The following KIAA1671 variants were observed in gnomAD, a reference collection of about 807,000 sequenced individuals.
KIAA1671 encodes uncharacterized protein KIAA1671.
In KIAA1671, 52 loss-of-function variants were observed where a neutral mutation model predicts 131.2. That is an observed-to-expected ratio of 0.40 (90% CI 0.32 to 0.50). KIAA1671 has a LOEUF of 0.50. KIAA1671 is among the 20% of genes least tolerant of loss of function. The pLI is 0.73. For synonymous variants in KIAA1671, 1,003 were observed against 961.6 expected, an observed-to-expected ratio of 1.04 and a Z score of -0.80; for missense variants, 2,360 against 2,364.2, an observed-to-expected ratio of 1.00 and a Z score of 0.04.
chr22:25,191,915 C>G (rs1934682105), intron 12 of KIAA1671, among the ~76,000 whole-genome samples: 3 of 152,112 alleles, frequency 2.0e-5, no homozygotes, highest in Admixed American at 2.0e-4. Context: ...TCATAATACA[C>G]TGCAGGAATA....
At chr22:25,174,615 T>C in intron 8 of KIAA1671, 126 bp downstream of exon 8, 2 of 1,095,716 alleles carry the variant, frequency 1.8e-6, no homozygotes, top group Non-Finnish European at 2.5e-6. Flanking sequence ...GCACTGTCTT[T>C]GAAATGGGAC....
chr22:24,996,282 C>T (rs1215859603), intron 1 of KIAA1671, among the ~76,000 whole-genome samples: 1 of 151,942 alleles, frequency 6.6e-6, no homozygotes, highest in African/African-American at 2.4e-5. Context: ...AAAAGCACAG[C>T]TTAGGTCCTT....
chr22:24,996,384 C>T (rs750515935), intron 1 of KIAA1671, among the ~76,000 whole-genome samples: 1 of 152,162 alleles, frequency 6.6e-6, no homozygotes, highest in Non-Finnish European at 1.5e-5. Flanking sequence ...TTATGGATTA[C>T]ACGTTTCCTT....
At chr22:25,020,654 ACCTGAACAAGCC>A (rs1925615555) in intron 1 of KIAA1671, among the ~76,000 whole-genome samples, 1 of 152,130 alleles carries the variant, frequency 6.6e-6, no homozygotes, top group Non-Finnish European at 1.5e-5. Context: ...ACAGAGGAGC[ACCTGAACAAGCC>A]CCACTCATGG....
intron 11 of KIAA1671, among the ~76,000 whole-genome samples, chr22:25,188,017 C>T (rs968768180): frequency 2.0e-5 from 3 of 152,172 alleles, no homozygotes; most frequent in Non-Finnish European, 2.9e-5. Flanking sequence ...AACGTTTGAA[C>T]AGGCTGGGCA....
chr22:25,033,573 CGTTTT>C, intron 4 of KIAA1671, among the ~76,000 whole-genome samples: 1 of 71,702 alleles, frequency 1.4e-5, no homozygotes, highest in East Asian at 4.2e-4. Context: ...GGTTTGTTTT[CGTTTT>C]TTTTTTTTTT....
chr22:25,191,949 T>C (rs753570137), intron 12 of KIAA1671, among the ~76,000 whole-genome samples: 1 of 152,166 alleles, frequency 6.6e-6, no homozygotes, highest in African/African-American at 2.4e-5. Flanking sequence ...TATGGTGGTG[T>C]TACATATGTA....
At chr22:25,022,092 A>T (rs1392989098) in intron 1 of KIAA1671, among the ~76,000 whole-genome samples, 1 of 152,134 alleles carries the variant, frequency 6.6e-6, no homozygotes, top group East Asian at 1.9e-4. Context: ...GGCTCTTTGC[A>T]TGGCTCACTG....
rs1002394386 is a variant in KIAA1671 at position 25,040,223 on chromosome 22, C to T, written c.3093C>T (p.Thr1031=). 6.4e-7 allele frequency: 1 copy of T among 1,551,706 alleles called. No homozygotes were observed. The highest frequency in any genetic ancestry group is 8.7e-7 in the Non-Finnish European group (1 of 1,147,010). The change falls in exon 5 of 13, where the codon ACC becomes ACT. Residue 1031 remains threonine (T), a synonymous_variant. Transcript: ENST00000358431. ...VEPKATFFAV[T]YQIPNTQKAK... ...CCAAGGCGACATTTTTTGCAGTCAC[C>T]TATCAGATTCCCAATACTCAAAAGG...
intron 6 of KIAA1671, among the ~76,000 whole-genome samples, chr22:25,152,902 G>A (rs1278328589): frequency 6.6e-6 from 1 of 151,992 alleles, no homozygotes; most frequent in Non-Finnish European, 1.5e-5. Flanking sequence ...ACCATGCCTC[G>A]CCTAATTTTT....
At chr22:25,186,357 G>T (rs1189110872) in intron 11 of KIAA1671, 5 of 152,232 alleles carry the variant, frequency 3.3e-5, no homozygotes, top group Non-Finnish European at 7.3e-5. Context: ...GAGGCCAGGG[G>T]TTGGAGTGCA....
At position 25,039,154 on chromosome 22, in the gene KIAA1671, G is replaced by T; in HGVS notation, c.2024G>T (p.Gly675Val). The change falls in exon 5 of 13, where the codon GGG (glycine) becomes GTG (valine). Residue 675 changes from glycine (G) to valine (V), a missense_variant. Coordinates refer to ENST00000358431, the MANE Select transcript of KIAA1671 (RefSeq NM_001145206.2). ...MTKLKKENSR[G>V]FDNPETEKLG... ...AAACTGAAGAAAGAGAACTCCAGAG[G>T]GTTTGACAATCCCGAGACGGAGAAA... is the stretch of plus-strand genomic sequence containing the variant. The T allele has an allele frequency of 1.3e-6, 2 of 1,551,678 alleles. No individual in the cohort carries two copies. Among genetic ancestry groups the T allele is most frequent in the South Asian group, 2.4e-5 (2 of 84,060 alleles).
chr22:24,975,926 G>T (rs546756027), intron 1 of KIAA1671, among the ~76,000 whole-genome samples: 1 of 152,182 alleles, frequency 6.6e-6, no homozygotes, highest in African/African-American at 2.4e-5. Flanking sequence ...TTGTCCAGCA[G>T]CAGAGATGGG....
At chr22:25,181,325 C>T (rs1934266395) in intron 9 of KIAA1671, among the ~76,000 whole-genome samples, 1 of 152,190 alleles carries the variant, frequency 6.6e-6, no homozygotes, top group Admixed American at 6.5e-5. Flanking sequence ...CCACATTCTC[C>T]TCTGAGAGCA....
intron 6 of KIAA1671, among the ~76,000 whole-genome samples, chr22:25,068,582 G>C (rs8136437): frequency 6.6e-6 from 1 of 151,962 alleles, no homozygotes; most frequent in African/African-American, 2.4e-5. Flanking sequence ...GACTACAGGC[G>C]CCCGCCTCCG....
Position 24,959,784 on chromosome 22 carries a change from A to C in KIAA1671, c.-208+7012A>C, listed in dbSNP as rs199708336. The stretch of plus-strand genomic sequence containing the variant: ...TCTGGGCAGAAGCTATCACAGCTAC[A>C]TTTGTTAATTGCTCAGTTAAGTGAC... On this transcript the variant is annotated intron_variant, in intron 1 of 12. Transcript: ENST00000358431. 1.2e-4 allele frequency among the ~76,000 whole-genome samples: 18 copies of C among 152,256 alleles called. No individual in the cohort carries two copies. In the East Asian group the frequency reaches 2.9e-3, roughly 24 times the overall value.
At chr22:25,119,880 T>G (rs1931851182) in intron 6 of KIAA1671, among the ~76,000 whole-genome samples, 1 of 151,938 alleles carries the variant, frequency 6.6e-6, no homozygotes, top group Admixed American at 6.6e-5. Context: ...AGAGGTGAGC[T>G]CAGAGAGGTG....
At chr22:25,134,265 G>A (rs1932575233) in intron 6 of KIAA1671, among the ~76,000 whole-genome samples, 1 of 152,130 alleles carries the variant, frequency 6.6e-6, no homozygotes, top group Non-Finnish European at 1.5e-5. Flanking sequence ...CAGAGGGCTT[G>A]GCAGCTGGAT....
chr22:25,148,234 T>C lies in KIAA1671; in HGVS notation c.4531-22586T>C, dbSNP rs549244078. On this transcript the variant is annotated intron_variant, in intron 6 of 12. Transcript: ENST00000358431. ...CTCAGTCCCAGCCCTTTCTCAGTCCTGGCACCCCCCTCAGTCCCAGCCCTC... is the reference window on the plus strand; with the variant it reads ...CTCAGTCCCAGCCCTTTCTCAGTCCCGGCACCCCCCTCAGTCCCAGCCCTC... 1.2e-3 allele frequency among the ~76,000 whole-genome samples: 174 copies of C among 143,180 alleles called. 2 individuals carry two copies. Among genetic ancestry groups the C allele is most frequent in the Middle Eastern group, 7.0e-3 (2 of 284 alleles). The allele number at this position is 143,180 out of a possible 152,430, so 93.9% of individuals were successfully genotyped here. A position where few individuals can be genotyped will look rare whatever the true frequency, so the allele number is the denominator to read the frequency against.
Sources: gnomAD v4.1 joint callset for allele counts (sites outside exome capture counted in the v4.1 genomes callset) on GRCh38, gnomAD v4.1.1 for gene constraint, MANE v1.5 for transcripts, NCBI Gene and HGNC (gene_info 2026-07-23, HGNC 2026-07-21) for gene names.